Variants in SH3GL1 observed in about 807,000 individuals in gnomAD.
SH3GL1 encodes SH3 domain containing GRB2 like 1, endophilin A2.
Under a neutral mutation model 48.8 loss-of-function variants are expected in SH3GL1, and 21 were observed. The ratio of observed to expected loss-of-function variants is 0.43; its 90% CI spans 0.30 to 0.62. The LOEUF is 0.62. Among genes scored for constraint, SH3GL1 ranks in the 20% least tolerant of loss-of-function variants. The pLI, the probability that SH3GL1 is intolerant of heterozygous loss-of-function variation, is 0.11. For synonymous variants in SH3GL1, 282 were observed against 217.5 expected (o/e 1.30, Z -2.61); for missense variants, 454 against 503.0 (o/e 0.90, Z 0.93).
At chr19:4,380,654 C>T (rs377166041) in intron 1 of SH3GL1, among the ~76,000 whole-genome samples, 6 of 152,204 alleles carry the variant, frequency 3.9e-5, no homozygotes, top group African/African-American at 1.2e-4. Context: ...TCAGGACAGT[C>T]GGCGGTTTTG....
intron 9 of SH3GL1, 71 bp downstream of exon 9, chr19:4,362,258 G>T (rs369106423): frequency 2.1e-6 from 3 of 1,459,330 alleles, no homozygotes; most frequent in African/African-American, 2.8e-5. Context: ...GAACAGGGCG[G>T]GAGGAGAAAC....
intron 1 of SH3GL1, among the ~76,000 whole-genome samples, chr19:4,386,953 T>C (rs1973247399): frequency 6.6e-6 from 1 of 152,230 alleles, no homozygotes; most frequent in Non-Finnish European, 1.5e-5. Context: ...TCTTTTTCTT[T>C]TGAGATGGAG....
At chr19:4,382,748 G>A (rs535173534) in intron 1 of SH3GL1, among the ~76,000 whole-genome samples, 1 of 152,252 alleles carries the variant, frequency 6.6e-6, no homozygotes, top group East Asian at 1.9e-4. Context: ...CTTGCCACAG[G>A]AGCTCATCAC....
chr19:4,374,753 G>C (rs1036183591), intron 1 of SH3GL1, among the ~76,000 whole-genome samples: 2 of 152,042 alleles, frequency 1.3e-5, no homozygotes, highest in African/African-American at 4.8e-5. Flanking sequence ...CTGGGCCCCT[G>C]AGTCACCCCT....
intron 7 of SH3GL1, among the ~76,000 whole-genome samples, chr19:4,362,952 G>A (rs1332060545): frequency 2.6e-5 from 4 of 152,118 alleles, no homozygotes; most frequent in Non-Finnish European, 4.4e-5. Flanking sequence ...CCCAGAGATT[G>A]CCAAGCAGCT....
chr19:4,400,245 C>A lies in SH3GL1; in HGVS notation c.45+79G>T, dbSNP rs1261085783. ...CCACCTCGGTCCCCCCGGCCCCCTCCCGGGCCAGGTCGGGCCTGGCTCCCT... is the reference window on the plus strand; with the variant it reads ...CCACCTCGGTCCCCCCGGCCCCCTCACGGGCCAGGTCGGGCCTGGCTCCCT... On this transcript the variant is annotated intron_variant, in intron 1 of 9. Transcript: ENST00000269886. This position sits in a 1 kb window ranked among gnomAD's most constrained non-coding sequence, Gnocchi z 4.1. 7 of 1,484,102 alleles carry A rather than the reference C, an allele frequency of 4.7e-6. No individual in the cohort carries two copies. Among genetic ancestry groups the A allele is most frequent in the Non-Finnish European group, 6.4e-6 (7 of 1,098,784 alleles). 91.9% of individuals were successfully genotyped at this position (1,484,102 alleles called of 1,614,324 possible). A position where few individuals can be genotyped will look rare whatever the true frequency, so the allele number is the denominator to read the frequency against.
At chr19:4,370,552 G>A (rs116109456) in intron 1 of SH3GL1, among the ~76,000 whole-genome samples, 1,750 of 152,284 alleles carry the variant, frequency 0.011, 13 homozygotes, top group Middle Eastern at 0.058. Flanking sequence ...CACCTGGACG[G>A]GGTCAGAGTA....
chr19:4,372,173 G>A (rs1972916173), intron 1 of SH3GL1, among the ~76,000 whole-genome samples: 1 of 152,198 alleles, frequency 6.6e-6, no homozygotes, highest in African/African-American at 2.4e-5. Context: ...GGGGAGCTGG[G>A]GACCATAGGA....
At chr19:4,397,164 G>A (rs1973440642) in intron 1 of SH3GL1, among the ~76,000 whole-genome samples, 1 of 152,316 alleles carries the variant, frequency 6.6e-6, no homozygotes, top group East Asian at 1.9e-4. Flanking sequence ...AGATGTCAGA[G>A]GGAACCATGG....
chr19:4,377,527 C>T (rs559717883), intron 1 of SH3GL1, among the ~76,000 whole-genome samples: 3 of 152,212 alleles, frequency 2.0e-5, no homozygotes, highest in Non-Finnish European at 4.4e-5. Flanking sequence ...CCAAAAGCAC[C>T]CAGGCCAGAA....
intron 7 of SH3GL1, among the ~76,000 whole-genome samples, chr19:4,363,053 G>A (rs1047170793): frequency 5.9e-5 from 9 of 152,110 alleles, no homozygotes; most frequent in South Asian, 4.1e-4. Flanking sequence ...CCCCACATAC[G>A]CCAAGGCCCC....
chr19:4,371,675 G>A (rs1972904609), intron 1 of SH3GL1, among the ~76,000 whole-genome samples: 1 of 152,230 alleles, frequency 6.6e-6, no homozygotes, highest in African/African-American at 2.4e-5. Context: ...GGGTCCTCAG[G>A]TCTCACTGGC....
chr19:4,370,210 C>CA (rs549546465), intron 1 of SH3GL1, among the ~76,000 whole-genome samples: 228 of 152,202 alleles, frequency 1.5e-3, no homozygotes, highest in Non-Finnish European at 2.7e-3. Context: ...AATGCCCCCG[C>CA]ATCAGAGACC....
chr19:4,369,715 C>T (rs999936428), intron 1 of SH3GL1, among the ~76,000 whole-genome samples: 5 of 152,232 alleles, frequency 3.3e-5, no homozygotes, highest in African/African-American at 7.2e-5. Context: ...CCCCCACAAC[C>T]GCCTGACTCC....
chr19:4,366,400 C>T, intron 3 of SH3GL1, 101 bp downstream of exon 3: 1 of 933,550 alleles, frequency 1.1e-6, no homozygotes, highest in Non-Finnish European at 1.7e-6. Context: ...TGCCTGAAGC[C>T]CACAACCCAT....
chr19:4,374,365 A>T (rs1264663960), intron 1 of SH3GL1, among the ~76,000 whole-genome samples: 3 of 152,172 alleles, frequency 2.0e-5, no homozygotes, highest in Non-Finnish European at 4.4e-5. Flanking sequence ...GGCCTGGTCT[A>T]TGATGGTCTG....
chr19:4,381,747 C>T (rs1414829995), intron 1 of SH3GL1, among the ~76,000 whole-genome samples: 2 of 124,462 alleles, frequency 1.6e-5, no homozygotes, highest in Admixed American at 1.0e-4. Flanking sequence ...AGCTGGAGTG[C>T]AGTGGCGCGA....
At position 4,361,699 on chromosome 19, in the gene SH3GL1, G is replaced by A; in HGVS notation, c.1008C>T (p.Thr336=). 1 of 1,613,098 alleles carries A rather than the reference G, an allele frequency of 6.2e-7. No individual in the cohort carries two copies. The highest frequency in any genetic ancestry group is 8.5e-7 in the Non-Finnish European group (1 of 1,179,656). Reference sequence around the variant, plus strand: ...CGTACCAGTTCTCATCGATCTGGTTGGTCAGCGTGATGACGTCGCCCTCAT... The same window carrying A: ...CGTACCAGTTCTCATCGATCTGGTTAGTCAGCGTGATGACGTCGCCCTCAT... ...GFHEGDVITL[T]NQIDENWYEG... is the part of the protein sequence containing the mutation. Residue 336 remains threonine (T), a synonymous_variant, in exon 10 of 10, where the codon ACC becomes ACT. Transcript: ENST00000269886.
chr19:4,392,980 G>A (rs1045608670), intron 1 of SH3GL1, among the ~76,000 whole-genome samples: 1 of 152,106 alleles, frequency 6.6e-6, no homozygotes, highest in Admixed American at 6.6e-5. Flanking sequence ...ATAACAACCC[G>A]GGCGTGGTAG....
Sources: allele counts gnomAD v4.1 joint callset (sites outside exome capture counted in the v4.1 genomes callset), GRCh38; gene constraint gnomAD v4.1.1; non-coding constraint Gnocchi (gnomAD v3.1); transcripts MANE v1.5; gene names NCBI Gene and HGNC (gene_info 2026-07-23, HGNC 2026-07-21).